The following ATCAY variants were observed in gnomAD, a reference collection of about 807,000 sequenced individuals.
ATCAY encodes caytaxin.
In ATCAY, 22 loss-of-function variants were observed where a neutral mutation model predicts 47.7. That is an observed-to-expected ratio of 0.46 (90% confidence interval 0.33 to 0.66). ATCAY has a LOEUF of 0.66. Among genes scored for constraint, ATCAY ranks in the 30% least tolerant of loss-of-function variants. The pLI is 0.02. For missense variants in ATCAY, 452 were observed against 515.0 expected (o/e 0.88, Z 1.18); for synonymous variants, 216 against 207.6 (o/e 1.04, Z -0.35).
In ATCAY at chr19:3,913,642, G is replaced by A. The variant is rs536956473; in HGVS notation, c.867-116G>A. ...AGGGAGGTGTCGTCGTCTGCACTGG[G>A]GCATCCTGGAGTGGGGTCCTGTGGG... On this transcript the variant is annotated intron_variant, in intron 8 of 12. Coordinates refer to ENST00000450849, the MANE Select transcript of ATCAY (RefSeq NM_033064.5). 8.3e-6 allele frequency: 6 copies of A among 726,948 alleles called. No individual in the cohort carries two copies. The Admixed American group carries it at 1.3e-4, about 16-fold the overall frequency. 45.0% of individuals were successfully genotyped at this position (726,948 alleles called of 1,614,324 possible). A position where few individuals can be genotyped will look rare whatever the true frequency, so the allele number is the denominator to read the frequency against.
chr19:3,920,915 C>G (rs2145266783), intron 12 of ATCAY, 117 bp downstream of exon 12: 1 of 1,263,040 alleles, frequency 7.9e-7, no homozygotes, highest in Non-Finnish European at 1.1e-6. Flanking sequence ...AAATATAAAG[C>G]AGGCAGGGAT....
In ATCAY at chr19:3,925,392, C is replaced by A. The variant is rs1320813244; in HGVS notation, c.*800C>A. The A allele has an allele frequency of 6.6e-6, 1 of 152,276 alleles. No homozygotes were observed. Among genetic ancestry groups the A allele is most frequent in the Non-Finnish European group, 1.5e-5 (1 of 68,078 alleles). 9.4% of individuals were successfully genotyped at this position (152,276 alleles called of 1,614,324 possible). On this transcript the variant is annotated 3_prime_UTR_variant, in exon 13 of 13. Coordinates refer to ENST00000450849, the MANE Select transcript of ATCAY (RefSeq NM_033064.5). The surrounding 1 kb of genome is among the most constrained non-coding windows in gnomAD (Gnocchi z 4.4). Reference sequence around the variant, plus strand: ...AGATATGTGGACCTCACTGCTCCCCCAACCCAGCGTCAGGCTGGGACACGC... The same window carrying A: ...AGATATGTGGACCTCACTGCTCCCCAAACCCAGCGTCAGGCTGGGACACGC...
At chr19:3,917,654 T>C (rs961699458) in intron 9 of ATCAY, 88 bp from the exon 10 acceptor site, 7 of 1,424,574 alleles carry the variant, frequency 4.9e-6, no homozygotes, top group African/African-American at 2.9e-5. Context: ...AGAGCTTGTT[T>C]CTCTGCTTGA....
intron 9 of ATCAY, among the ~76,000 whole-genome samples, chr19:3,917,352 A>C (rs1435190865): frequency 1.3e-5 from 2 of 151,958 alleles, no homozygotes; most frequent in East Asian, 3.9e-4. Context: ...TGGGAGGCCG[A>C]GGTGGGTGGA....
At chr19:3,924,505 G>T in intron 12 of ATCAY, 78 bp from the exon 13 acceptor site, 2 of 1,561,730 alleles carry the variant, frequency 1.3e-6, no homozygotes, top group South Asian at 2.2e-5. Flanking sequence ...CATTGTTTTG[G>T]ATTACATACA....
intron 12 of ATCAY, 67 bp from the exon 13 acceptor site, chr19:3,924,516 T>C: frequency 3.2e-6 from 5 of 1,587,068 alleles, no homozygotes; most frequent in East Asian, 2.2e-5. Context: ...ATTACATACA[T>C]GTAGAAGCGC....
intron 2 of ATCAY, among the ~76,000 whole-genome samples, chr19:3,892,908 CAA>C (rs59366505): frequency 6.8e-6 from 1 of 148,100 alleles, no homozygotes; most frequent in African/African-American, 2.5e-5. Flanking sequence ...ACTCTGTCTC[CAA>C]AAAAAAAAAT....
At chr19:3,886,346 A>G (rs1008447094) in intron 2 of ATCAY, among the ~76,000 whole-genome samples, 2 of 152,120 alleles carry the variant, frequency 1.3e-5, no homozygotes, top group African/African-American at 4.8e-5. Context: ...TAATCCCAGC[A>G]CTTTGGGAGG....
intron 6 of ATCAY, among the ~76,000 whole-genome samples, chr19:3,909,129 A>T (rs11671128): frequency 0.08 from 4,353 of 54,352 alleles, 451 homozygotes; most frequent in African/African-American, 0.21. Flanking sequence ...CCCAGCTACT[A>T]GGGAGGCTGT....
rs1252604430 is a variant in ATCAY at position 3,926,956 on chromosome 19, C to T, written c.*2364C>T. The T allele has an allele frequency of 6.6e-6, 1 of 152,226 alleles. No individual in the cohort carries two copies. The highest frequency in any genetic ancestry group is 1.5e-5 in the Non-Finnish European group (1 of 68,070). The allele number at this position is 152,226 out of a possible 1,614,324, so 9.4% of individuals were successfully genotyped here. ...ACAAAAGTGGCTGGGTACGGTGGCT[C>T]ACGCCTATAATCCCAGCACTTTGGG... On this transcript the variant is annotated 3_prime_UTR_variant, in exon 13 of 13. Transcript: ENST00000450849.
chr19:3,896,658 A>T (rs953070812), intron 2 of ATCAY, among the ~76,000 whole-genome samples: 1 of 152,192 alleles, frequency 6.6e-6, no homozygotes, highest in African/African-American at 2.4e-5. Flanking sequence ...GGACCGTCCA[A>T]GGTTATGAGG....
intron 1 of ATCAY, among the ~76,000 whole-genome samples, chr19:3,882,956 A>T (rs1030672632): frequency 2.1e-5 from 3 of 143,486 alleles, no homozygotes; most frequent in African/African-American, 5.1e-5. Context: ...TAGTTTTTGT[A>T]TTTTTTTTTT....
chr19:3,901,118 G>C (rs1472405292), intron 2 of ATCAY, among the ~76,000 whole-genome samples: 32 of 149,334 alleles, frequency 2.1e-4, no homozygotes, highest in South Asian at 2.1e-4. Context: ...TAGCCAGGAT[G>C]GTCTCGATCT....
chr19:3,898,809 G>C (rs1477906212), intron 2 of ATCAY, among the ~76,000 whole-genome samples: 3 of 152,176 alleles, frequency 2.0e-5, no homozygotes, highest in East Asian at 3.9e-4. Flanking sequence ...AGCCTCCCAA[G>C]TAGCTAGGAT....
intron 12 of ATCAY, among the ~76,000 whole-genome samples, chr19:3,924,265 A>ATGGG (rs2039047455): frequency 6.6e-6 from 1 of 150,772 alleles, no homozygotes; most frequent in African/African-American, 2.4e-5. Flanking sequence ...GGATGGATGG[A>ATGGG]TGGATGGGTG....
intron 2 of ATCAY, among the ~76,000 whole-genome samples, chr19:3,898,419 A>G (rs187299932): frequency 1.3e-3 from 203 of 152,302 alleles, no homozygotes; most frequent in Admixed American, 2.4e-3. Context: ...TCCTGGGCTC[A>G]ATGAACCCGC....
At chr19:3,890,016 C>T (rs1375762716) in intron 2 of ATCAY, among the ~76,000 whole-genome samples, 1 of 151,232 alleles carries the variant, frequency 6.6e-6, no homozygotes, top group African/African-American at 2.4e-5. Context: ...GCCATCTCAG[C>T]TCACTGCAAC....
chr19:3,892,780 C>T (rs553308518), intron 2 of ATCAY, among the ~76,000 whole-genome samples: 4 of 152,060 alleles, frequency 2.6e-5, no homozygotes, highest in South Asian at 2.1e-4. Flanking sequence ...TGGTGGCGGG[C>T]ACCTGTAATC....
chr19:3,910,024 G>T (rs535819704), intron 7 of ATCAY, among the ~76,000 whole-genome samples: 1 of 152,248 alleles, frequency 6.6e-6, no homozygotes, highest in African/African-American at 2.4e-5. Context: ...AGGAGGTGGA[G>T]GTTGCAGTGA....
Sources: allele counts gnomAD v4.1 joint callset (sites outside exome capture counted in the v4.1 genomes callset), GRCh38; gene constraint gnomAD v4.1.1; non-coding constraint Gnocchi (gnomAD v3.1); transcripts MANE v1.5; gene names NCBI Gene and HGNC (gene_info 2026-07-23, HGNC 2026-07-21).